CCDC69: variants seen among roughly 807,000 people sequenced by gnomAD.
The protein encoded by CCDC69 is coiled-coil domain containing 69, also known as coiled-coil domain-containing protein 69.
CCDC69 carries 38 observed loss-of-function variants against 40.3 expected under a neutral mutation model. That is an observed-to-expected ratio of 0.94 (90% CI 0.73 to 1.24). The LOEUF (loss-of-function observed/expected upper bound fraction) is 1.24. Among genes scored for constraint, CCDC69 ranks in the 50% most tolerant of loss-of-function variants. The pLI is 0.00. For missense variants in CCDC69, 389 were observed against 357.9 expected (o/e 1.09, Z -0.70); for synonymous variants, 141 against 138.9 (o/e 1.02, Z -0.11).
At chr5:151,213,427 T>C (rs529814730) in intron 1 of CCDC69, among the ~76,000 whole-genome samples, 1 of 145,444 alleles carries the variant, frequency 6.9e-6, no homozygotes, top group South Asian at 2.2e-4. Flanking sequence ...TTTTTTTTTG[T>C]ATTTTTTGTG....
chr5:151,204,882 G>C (rs1752831532), intron 2 of CCDC69, among the ~76,000 whole-genome samples: 1 of 151,824 alleles, frequency 6.6e-6, no homozygotes, highest in Non-Finnish European at 1.5e-5. Flanking sequence ...CTTTTGTTTA[G>C]ATTTAGGGGT....
intron 4 of CCDC69, among the ~76,000 whole-genome samples, chr5:151,193,342 C>CAA (rs35463341): frequency 1.4e-3 from 111 of 77,426 alleles, no homozygotes; most frequent in Non-Finnish European, 1.8e-3. Context: ...CTCATTTCTA[C>CAA]AAAAAAAAAA....
At chr5:151,218,339 C>T (rs1012556392) in intron 1 of CCDC69, among the ~76,000 whole-genome samples, 1 of 152,136 alleles carries the variant, frequency 6.6e-6, no homozygotes, top group Non-Finnish European at 1.5e-5. Flanking sequence ...CCCAGTCTGG[C>T]CCTCTCCCCT....
At chr5:151,219,904 T>C (rs1353135953) in intron 1 of CCDC69, among the ~76,000 whole-genome samples, 1 of 152,136 alleles carries the variant, frequency 6.6e-6, no homozygotes, top group East Asian at 1.9e-4. Context: ...CCTCCAGTGA[T>C]AGGAACTCAC....
At chr5:151,185,272 G>T in intron 7 of CCDC69, 150 bp downstream of exon 7, 2 of 786,902 alleles carry the variant, frequency 2.5e-6, no homozygotes, top group Non-Finnish European at 4.1e-6. Context: ...CACAGACCAT[G>T]CTCAGTGGTC....
Position 151,186,250 on chromosome 5 carries a change from C to G in CCDC69, c.394-126G>C, listed in dbSNP as rs143601201. ...ATCTGTCTTTGGCTACTCTACATGA[C>G]AATGCAACATCAACATACTTCGACC... On this transcript the variant is annotated intron_variant, in intron 5 of 8. Transcript: ENST00000355417. The G allele has an allele frequency of 2.0e-4, 139 of 707,422 alleles. No individual in the cohort carries two copies. The African/African-American group carries it at 2.1e-3, about 10-fold the overall frequency. 43.8% of individuals were successfully genotyped at this position (707,422 alleles called of 1,614,324 possible). A position where few individuals can be genotyped will look rare whatever the true frequency, so the allele number is the denominator to read the frequency against.
intron 4 of CCDC69, among the ~76,000 whole-genome samples, chr5:151,194,373 G>A (rs1481372385): frequency 2.0e-5 from 3 of 152,214 alleles, no homozygotes; most frequent in East Asian, 3.8e-4. Flanking sequence ...CAATTGGAAT[G>A]AATGTCAAAG....
Position 151,205,442 on chromosome 5 carries a change from T to C in CCDC69, c.82A>G (p.Arg28Gly). Residue 28 changes from arginine (R) to glycine (G), a missense_variant, in exon 2 of 9, where the codon AGA becomes GGA. Coordinates refer to ENST00000355417, the MANE Select transcript of CCDC69 (RefSeq NM_015621.3). The stretch of plus-strand genomic sequence containing the variant: ...GGACCTAATTCATGGGGCTCTGGTC[T>C]GGGTGGCTGTTCTGGTTCTGGTTCT... ...RQEPEPEQPP[R>G]PEPHELGPLN... 6 of 1,614,192 alleles carry C rather than the reference T, an allele frequency of 3.7e-6. No individual in the cohort carries two copies. The highest frequency in any genetic ancestry group is 4.2e-6 in the Non-Finnish European group (5 of 1,180,028).
chr5:151,209,228 A>C (rs1364464972), intron 1 of CCDC69, among the ~76,000 whole-genome samples: 1 of 152,242 alleles, frequency 6.6e-6, no homozygotes, highest in African/African-American at 2.4e-5. Context: ...AGTGTCTTGC[A>C]CATACTAAGA....
chr5:151,215,179 G>A (rs941842942), intron 1 of CCDC69, among the ~76,000 whole-genome samples: 6 of 152,186 alleles, frequency 3.9e-5, no homozygotes, highest in Non-Finnish European at 4.4e-5. Context: ...CTGTCTCCCA[G>A]TCCAATGGCA....
Position 151,224,045 on chromosome 5 carries a change from G to A in CCDC69, c.-75C>T, listed in dbSNP as rs1753179248. On this transcript the variant is annotated 5_prime_UTR_variant, in exon 1 of 9. Coordinates refer to ENST00000355417, the MANE Select transcript of CCDC69 (RefSeq NM_015621.3). The stretch of plus-strand genomic sequence containing the variant: ...AGGAGCCTGCGATCCGGGCCCCGCT[G>A]CCCGCTCCGCGCCCGCCGGCTGGGG... The A allele has an allele frequency of 1.5e-6, 2 of 1,321,530 alleles. No individual in the cohort carries two copies. Among genetic ancestry groups the A allele is most frequent in the Non-Finnish European group, 2.0e-6 (2 of 980,628 alleles). 81.9% of individuals were successfully genotyped at this position (1,321,530 alleles called of 1,614,324 possible).
chr5:151,197,716 G>T (rs1458365447), intron 4 of CCDC69, among the ~76,000 whole-genome samples: 1 of 152,098 alleles, frequency 6.6e-6, no homozygotes, highest in Non-Finnish European at 1.5e-5. Flanking sequence ...ATTCTATTAG[G>T]ATGTTATTCT....
chr5:151,196,988 TAG>T (rs1164246642), intron 4 of CCDC69, among the ~76,000 whole-genome samples: 2 of 152,036 alleles, frequency 1.3e-5, no homozygotes, highest in African/African-American at 4.8e-5. Context: ...GATGAATGGG[TAG>T]AGTGTGGTGT....
rs201335198 is a variant in CCDC69, at chr5:151,185,407, C to T, written c.615+15G>A. 4.9e-5 allele frequency: 79 copies of T among 1,613,240 alleles called. No individual in the cohort carries two copies. The highest frequency in any genetic ancestry group is 6.7e-5 in the Admixed American group (4 of 59,954). ...AGCCTGAGGCTGCATCCCCCAGCCACTCCCAGTCACAGACCACTGTTTCCA... is the reference window on the plus strand; with the variant it reads ...AGCCTGAGGCTGCATCCCCCAGCCATTCCCAGTCACAGACCACTGTTTCCA... On this transcript the variant is annotated intron_variant, in intron 7 of 8. Transcript: ENST00000355417.
At chr5:151,211,906 T>A (rs1235185185) in intron 1 of CCDC69, among the ~76,000 whole-genome samples, 2 of 151,516 alleles carry the variant, frequency 1.3e-5, no homozygotes, top group Non-Finnish European at 1.5e-5. Context: ...GCTAGGTAGG[T>A]CTCAACAAGC....
intron 1 of CCDC69, among the ~76,000 whole-genome samples, chr5:151,211,518 CTTTTTTTTTTT>C (rs774546814): frequency 9.2e-6 from 1 of 108,740 alleles, no homozygotes; most frequent in East Asian, 2.3e-4. Flanking sequence ...TTTGCATCTG[CTTTTTTTTTTT>C]TTTTTTTTTT....
chr5:151,183,565 C>T lies in CCDC69; in HGVS notation c.763G>A (p.Val255Met), dbSNP rs1766676376. Residue 255 changes from valine to methionine, a missense_variant, in exon 9 of 9, where the codon GTG becomes ATG. Coordinates refer to ENST00000355417, the MANE Select transcript of CCDC69 (RefSeq NM_015621.3). ...TGCTGGAGCTGTCGCCGCAGCTGCACCTCCTTCTCCAGGGCCTCACGCGTG... is the reference window on the plus strand; with the variant it reads ...TGCTGGAGCTGTCGCCGCAGCTGCATCTCCTTCTCCAGGGCCTCACGCGTG... Reference protein sequence around the residue: ...LLTREALEKEVQLRRQLQQEK... With the variant: ...LLTREALEKEMQLRRQLQQEK... 1 of 1,612,468 alleles carries T rather than the reference C, an allele frequency of 6.2e-7. No individual in the cohort carries two copies. The highest frequency in any genetic ancestry group is 8.5e-7 in the Non-Finnish European group (1 of 1,179,572).
At chr5:151,191,933 A>C (rs910459027) in intron 4 of CCDC69, among the ~76,000 whole-genome samples, 16 of 151,790 alleles carry the variant, frequency 1.1e-4, no homozygotes, top group Admixed American at 3.3e-4. Flanking sequence ...AAATTTAAAA[A>C]TTAGCTGGCT....
At chr5:151,223,595 C>T (rs1465049783) in intron 1 of CCDC69, among the ~76,000 whole-genome samples, 1 of 152,326 alleles carries the variant, frequency 6.6e-6, no homozygotes, top group Non-Finnish European at 1.5e-5. Context: ...GTCACTTGTC[C>T]ATGGCCACAC....
Sources: gnomAD v4.1 joint callset for allele counts (sites outside exome capture counted in the v4.1 genomes callset) on GRCh38, gnomAD v4.1.1 for gene constraint, MANE v1.5 for transcripts, NCBI Gene and HGNC (gene_info 2026-07-23, HGNC 2026-07-21) for gene names.